Variants in MYBL2 observed in about 807,000 individuals in gnomAD.
The protein encoded by MYBL2 is myb-related protein B.
A neutral mutation model predicts 79.9 loss-of-function variants in MYBL2; 28 were observed. That is an observed-to-expected ratio of 0.35 (90% CI 0.26 to 0.48). The LOEUF is 0.48. MYBL2 is among the 20% of genes least tolerant of loss of function. The pLI is 0.99. For missense variants in MYBL2, 735 were observed against 893.9 expected, an observed-to-expected ratio of 0.82 and a Z score of 2.27; for synonymous variants, 378 against 361.2, an observed-to-expected ratio of 1.05 and a Z score of -0.53.
At chr20:43,690,466 T>G (rs749265009) in intron 5 of MYBL2, among the ~76,000 whole-genome samples, 3 of 151,686 alleles carry the variant, frequency 2.0e-5, no homozygotes, top group Non-Finnish European at 4.4e-5. Context: ...AGGGCTCTTA[T>G]GCAGATAAAG....
chr20:43,711,524 G>A lies in MYBL2; in HGVS notation c.1642G>A (p.Val548Met), dbSNP rs1568880741. The A allele has an allele frequency of 1.9e-6, 3 of 1,613,812 alleles. No homozygotes were observed. The highest frequency in any genetic ancestry group is 2.5e-6 in the Non-Finnish European group (3 of 1,179,862). Residue 548 changes from valine (V) to methionine (M), a missense_variant, in exon 11 of 14, where the codon GTG becomes ATG. By Grantham distance (21) the Val-to-Met change is conservative (BLOSUM62 1). Coordinates refer to ENST00000217026, the MANE Select transcript of MYBL2 (RefSeq NM_002466.4). Reference protein sequence around the residue: ...TPHLEEDLKEVLRSEAGIELI... With the variant: ...TPHLEEDLKEMLRSEAGIELI... ...GCACCTGGAGGAGGACTTGAAGGAG[G>A]TGCTGCGTTCTGAGGCTGGCATCGA...
rs1319459412 is a variant in MYBL2, at chr20:43,673,916, A to G, written c.114+17A>G. On this transcript the variant is annotated intron_variant, in intron 2 of 13. Coordinates refer to ENST00000217026, the MANE Select transcript of MYBL2 (RefSeq NM_002466.4). ...CATGAGGAGGTGAGTGCCATGGGGA[A>G]GAGAGGGTTGATGGCAGCTGGGGGC... The G allele has an allele frequency of 6.5e-7, 1 of 1,548,952 alleles. No homozygotes were observed. Among genetic ancestry groups the G allele is most frequent in the Non-Finnish European group, 8.7e-7 (1 of 1,144,628 alleles).
intron 4 of MYBL2, among the ~76,000 whole-genome samples, chr20:43,684,370 G>A (rs1987217635): frequency 6.6e-6 from 1 of 151,992 alleles, no homozygotes; most frequent in Non-Finnish European, 1.5e-5. Context: ...CTGAGGAGCT[G>A]GGATTACAGG....
chr20:43,706,767 G>GT (rs1987795743), intron 9 of MYBL2, among the ~76,000 whole-genome samples: 1 of 120,852 alleles, frequency 8.3e-6, no homozygotes, highest in South Asian at 2.9e-4. Context: ...CCAGGCTGGA[G>GT]TGCAGTGGTG....
intron 7 of MYBL2, among the ~76,000 whole-genome samples, chr20:43,701,892 G>A (rs1221975924): frequency 6.6e-6 from 1 of 152,144 alleles, no homozygotes; most frequent in Non-Finnish European, 1.5e-5. Flanking sequence ...GAAGCCGGGT[G>A]CAGTGGCTCA....
At chr20:43,692,376 C>T in intron 6 of MYBL2, 57 bp downstream of exon 6, 1 of 1,599,078 alleles carries the variant, frequency 6.3e-7, no homozygotes, top group South Asian at 1.1e-5. Context: ...CTGACACCAT[C>T]TCATTGAACA....
chr20:43,677,372 A>C (rs979457414), intron 2 of MYBL2, among the ~76,000 whole-genome samples: 1 of 152,212 alleles, frequency 6.6e-6, no homozygotes, highest in African/African-American at 2.4e-5. Flanking sequence ...GATGGCAAGT[A>C]CCTTTAGAAG....
Position 43,667,273 on chromosome 20 carries a change from G to C in MYBL2, c.-11G>C, listed in dbSNP as rs1986738068. The C allele has an allele frequency of 1.7e-5, 21 of 1,225,088 alleles. No individual in the cohort carries two copies. The South Asian group carries it at 6.2e-4, about 36-fold the overall frequency. The allele number at this position is 1,225,088 out of a possible 1,614,324, so 75.9% of individuals were successfully genotyped here. On this transcript the variant is annotated 5_prime_UTR_variant, in exon 1 of 14. Transcript: ENST00000217026. The stretch of plus-strand genomic sequence containing the variant: ...CGGGCGGGCGAGCGCGGCGCGGTCC[G>C]GGCCGGGGGGATGTCTCGGCGGACG...
intron 6 of MYBL2, among the ~76,000 whole-genome samples, chr20:43,696,079 A>C (rs1054215440): frequency 6.6e-6 from 1 of 152,180 alleles, no homozygotes; most frequent in Non-Finnish European, 1.5e-5. Context: ...AGAATTTTGC[A>C]TGTTAATTCG....
Position 43,693,128 on chromosome 20 carries a change from G to A in MYBL2, c.663+809G>A, listed in dbSNP as rs556658933. On this transcript the variant is annotated intron_variant, in intron 6 of 13. Transcript: ENST00000217026. ...GCTCACTGTAACCTCTGCCTCCTGG[G>A]ATCAAGCGATCTCATGCCTCAGCAA... 5.9e-5 allele frequency among the ~76,000 whole-genome samples: 9 copies of A among 152,164 alleles called. No homozygotes were observed. The East Asian group carries it at 1.7e-3, about 29-fold the overall frequency.
At position 43,671,663 on chromosome 20, in the gene MYBL2, G is replaced by A. The variant is rs191826374; in HGVS notation, c.21-2143G>A. 4.6e-3 allele frequency among the ~76,000 whole-genome samples: 694 copies of A among 149,860 alleles called. 2 individuals carry two copies. The highest frequency in any genetic ancestry group is 7.4e-3 in the Middle Eastern group (2 of 272). On this transcript the variant is annotated intron_variant, in intron 1 of 13. Coordinates refer to ENST00000217026, the MANE Select transcript of MYBL2 (RefSeq NM_002466.4). ...AATTTTGTATTTTTAGTAGAGACGG[G>A]GTTTCTCCATGTTGGTCAGGCTAGT...
At chr20:43,684,427 G>T (rs1389139545) in intron 4 of MYBL2, among the ~76,000 whole-genome samples, 9 of 151,872 alleles carry the variant, frequency 5.9e-5, no homozygotes, top group South Asian at 2.1e-4. Context: ...AGTAGAGACA[G>T]GGTTTCACCA....
chr20:43,674,224 T>TACC (rs1555809907), intron 2 of MYBL2, among the ~76,000 whole-genome samples: 1 of 58,204 alleles, frequency 1.7e-5, no homozygotes, highest in African/African-American at 5.3e-5. Context: ...AATCTGTAAC[T>TACC]CCCCCCACCC....
chr20:43,712,418 C>T (rs1275252981), intron 11 of MYBL2, among the ~76,000 whole-genome samples: 1 of 152,104 alleles, frequency 6.6e-6, no homozygotes, highest in Admixed American at 6.5e-5. Context: ...CCTCCCTGGC[C>T]TCTCCTTGGT....
rs1315366302 is a variant in MYBL2 at position 43,702,549 on chromosome 20, G to C, written c.1011G>C (p.Glu337Asp). The C allele has an allele frequency of 6.2e-7, 1 of 1,614,094 alleles. No homozygotes were observed. The highest frequency in any genetic ancestry group is 2.2e-5 in the East Asian group (1 of 44,888). Residue 337 changes from glutamate to aspartate, a missense_variant, in exon 8 of 14, where the codon GAG becomes GAC. Glu to Asp is a conservative substitution (Grantham distance 45). Coordinates refer to ENST00000217026, the MANE Select transcript of MYBL2 (RefSeq NM_002466.4). ...KFDLPEEPSA[E>D]DSINNSLVQL... ...ACCTCCCTGAGGAACCATCTGCAGA[G>C]GACAGTATCAACAACAGCCTAGTGC...
At chr20:43,712,607 A>AG (rs1412034474) in intron 11 of MYBL2, among the ~76,000 whole-genome samples, 3 of 151,988 alleles carry the variant, frequency 2.0e-5, no homozygotes, top group Non-Finnish European at 2.9e-5. Flanking sequence ...GCTTGTCCTG[A>AG]GGGGTTTGTG....
rs554229645 is a variant in MYBL2, at chr20:43,681,554, T to C, written c.115-230T>C. 9.8e-5 allele frequency among the ~76,000 whole-genome samples: 15 copies of C among 152,350 alleles called. No individual in the cohort carries two copies. In the South Asian group the frequency reaches 2.3e-3, roughly 23 times the overall value. On this transcript the variant is annotated intron_variant, in intron 2 of 13. Transcript: ENST00000217026. ...CATATCTCCCAGCAGGGGGTGGCTT[T>C]ACTTTTGTTCCTGTGAGCCTTCCAT...
Position 43,715,299 on chromosome 20 carries a change from A to G in MYBL2, c.1974+16A>G, listed in dbSNP as rs1330989004. 16 of 1,614,034 alleles carry G rather than the reference A, an allele frequency of 9.9e-6. No homozygotes were observed. The highest frequency in any genetic ancestry group is 1.7e-5 in the Admixed American group (1 of 60,010). On this transcript the variant is annotated intron_variant, in intron 13 of 13. Transcript: ENST00000217026. Reference sequence around the variant, plus strand: ...ACCTGCCCCTGTGAGTGCTGTGGCCATCTCTGGGGGTCCTGCAGTGCCCGC... The same window carrying G: ...ACCTGCCCCTGTGAGTGCTGTGGCCGTCTCTGGGGGTCCTGCAGTGCCCGC...
At chr20:43,694,096 G>C (rs1987475907) in intron 6 of MYBL2, among the ~76,000 whole-genome samples, 1 of 151,928 alleles carries the variant, frequency 6.6e-6, no homozygotes, top group African/African-American at 2.4e-5. Flanking sequence ...ATTTTGGGAG[G>C]CCGAGGCGGG....
Sources: allele counts gnomAD v4.1 joint callset (sites outside exome capture counted in the v4.1 genomes callset), GRCh38; gene constraint gnomAD v4.1.1; transcripts MANE v1.5; gene names NCBI Gene and HGNC (gene_info 2026-07-23, HGNC 2026-07-21).